EXOC4: variants seen among roughly 807,000 people sequenced by gnomAD.
EXOC4 encodes the protein SEC8-like 1.
EXOC4 carries 71 observed loss-of-function variants against 107.2 expected under a neutral mutation model. That is an observed-to-expected ratio of 0.66 (90% CI 0.55 to 0.81). The LOEUF (loss-of-function observed/expected upper bound fraction) is 0.81, where lower values mean the gene tolerates loss of function less well. Among genes scored for constraint, EXOC4 ranks in the 30% least tolerant of loss-of-function variants. EXOC4 has a pLI of 0.00. For synonymous variants in EXOC4, 456 were observed against 441.2 expected (o/e 1.03, Z -0.42); for missense variants, 1,108 against 1,189.6 (o/e 0.93, Z 1.01).
intron 9 of EXOC4, among the ~76,000 whole-genome samples, chr7:133,520,570 G>A (rs1292965805): frequency 6.6e-6 from 1 of 152,122 alleles, no homozygotes; most frequent in Non-Finnish European, 1.5e-5. Flanking sequence ...TATTTTAAAA[G>A]ATGAAATATA....
chr7:133,669,259 C>G (rs1040623603), intron 10 of EXOC4, among the ~76,000 whole-genome samples: 1 of 151,830 alleles, frequency 6.6e-6, no homozygotes, highest in Non-Finnish European at 1.5e-5. Flanking sequence ...GAGGAGGAGC[C>G]GCGGGATGTA....
At chr7:134,047,493 T>C (rs71535771) in intron 17 of EXOC4, among the ~76,000 whole-genome samples, 1 of 152,198 alleles carries the variant, frequency 6.6e-6, no homozygotes, top group Non-Finnish European at 1.5e-5. Flanking sequence ...TTTATCCTAT[T>C]GTATGTCATT....
the EXOC4 span, among the ~76,000 whole-genome samples, chr7:134,072,801 C>T: frequency 6.6e-6 from 1 of 152,118 alleles, no homozygotes; most frequent in Non-Finnish European, 1.5e-5. Context: ...ATATACATAA[C>T]AAATAATATC....
At chr7:133,739,250 G>GTT (rs1795512575) in intron 10 of EXOC4, among the ~76,000 whole-genome samples, 1 of 147,798 alleles carries the variant, frequency 6.8e-6, no homozygotes, top group Non-Finnish European at 1.5e-5. Context: ...GTGTGTGTGT[G>GTT]TGTGTGTGTG....
chr7:133,797,212 C>T (rs1239466146), intron 10 of EXOC4, among the ~76,000 whole-genome samples: 2 of 152,020 alleles, frequency 1.3e-5, no homozygotes, highest in Non-Finnish European at 2.9e-5. Context: ...AAGATGGGGC[C>T]CATTTATAAA....
chr7:134,067,660 C>CACAT (rs1796206141), downstream of EXOC4, among the ~76,000 whole-genome samples: 1 of 18,186 alleles, frequency 5.5e-5, no homozygotes, highest in African/African-American at 3.7e-4. Context: ...CACACACACA[C>CACAT]ACACACACAC....
intron 14 of EXOC4, among the ~76,000 whole-genome samples, chr7:133,952,001 C>T (rs564199525): frequency 6.6e-6 from 1 of 152,144 alleles, no homozygotes; most frequent in South Asian, 2.1e-4. Context: ...ACTAAAAATA[C>T]AAAAATTAGC....
At chr7:133,491,714 C>T (rs1251403596) in intron 9 of EXOC4, among the ~76,000 whole-genome samples, 1 of 152,132 alleles carries the variant, frequency 6.6e-6, no homozygotes, top group African/African-American at 2.4e-5. Flanking sequence ...CAAACAGTCA[C>T]AGTTTCAGTG....
At chr7:133,591,036 C>T (rs928478105) in intron 9 of EXOC4, among the ~76,000 whole-genome samples, 6 of 152,208 alleles carry the variant, frequency 3.9e-5, no homozygotes, top group Non-Finnish European at 8.8e-5. Context: ...CACCTGCTGA[C>T]CTGTGTGCTC....
intron 11 of EXOC4, among the ~76,000 whole-genome samples, chr7:133,833,500 A>G (rs939207969): frequency 6.6e-6 from 1 of 152,210 alleles, no homozygotes; most frequent in Non-Finnish European, 1.5e-5. Flanking sequence ...TTCTGGGAAG[A>G]GATGGCTTTG....
At chr7:133,379,945 T>C (rs1480661011) in intron 7 of EXOC4, among the ~76,000 whole-genome samples, 1 of 152,130 alleles carries the variant, frequency 6.6e-6, no homozygotes, top group Non-Finnish European at 1.5e-5. Flanking sequence ...AAATAGGTTT[T>C]TCTGGCATAT....
Position 133,777,982 on chromosome 7 carries a change from T to C in EXOC4, c.1515-39343T>C, listed in dbSNP as rs187599037. ...CTGCATCTCTGTGCTAATTAAAGCCTACATGTCTAGTAACATTCATTCTCC... is the reference window on the plus strand; with the variant it reads ...CTGCATCTCTGTGCTAATTAAAGCCCACATGTCTAGTAACATTCATTCTCC... On this transcript the variant is annotated intron_variant, in intron 10 of 17. Coordinates refer to ENST00000253861, the MANE Select transcript of EXOC4 (RefSeq NM_021807.4). Among the ~76,000 whole-genome samples, 445 of 152,330 alleles carry C rather than the reference T, an allele frequency of 2.9e-3. 3 individuals carry two copies. Among genetic ancestry groups the C allele is most frequent in the Admixed American group, 6.5e-3 (100 of 15,298 alleles).
chr7:133,846,422 C>T (rs184744661), intron 11 of EXOC4, among the ~76,000 whole-genome samples: 122 of 152,240 alleles, frequency 8.0e-4, no homozygotes, highest in Non-Finnish European at 1.2e-3. Flanking sequence ...TTGCATCCCA[C>T]GGTTGGTACT....
intron 4 of EXOC4, among the ~76,000 whole-genome samples, chr7:133,311,206 A>G (rs925904571): frequency 2.6e-5 from 4 of 152,166 alleles, no homozygotes; most frequent in South Asian, 2.1e-4. Context: ...ATACATGCGT[A>G]AGAATTGTTT....
chr7:133,971,910 C>A lies in EXOC4; in HGVS notation c.2207-25582C>A, dbSNP rs575615826. Among the ~76,000 whole-genome samples the A allele has an allele frequency of 2.6e-5, 4 of 152,330 alleles. No homozygotes were observed. The South Asian group carries it at 8.3e-4, about 32-fold the overall frequency. ...ATCTTAGATGACTTTACATCACTTT[C>A]AGAGCTACATGGGGCATCCCTCCTC... is the stretch of plus-strand genomic sequence containing the variant. On this transcript the variant is annotated intron_variant, in intron 14 of 17. Transcript: ENST00000253861.
intron 9 of EXOC4, among the ~76,000 whole-genome samples, chr7:133,484,859 C>G (rs974858662): frequency 2.0e-5 from 3 of 151,746 alleles, no homozygotes; most frequent in Non-Finnish European, 4.4e-5. Context: ...GTGCACAGAT[C>G]ACTTGAGGTC....
intron 10 of EXOC4, among the ~76,000 whole-genome samples, chr7:133,778,625 TCAGAAGGTTGTGAC>T (rs1796396750): frequency 6.6e-6 from 1 of 152,142 alleles, no homozygotes; most frequent in Non-Finnish European, 1.5e-5. Context: ...TGCAGATAGG[TCAGAAGGTTGTGAC>T]CACTGACTGT....
chr7:133,560,468 A>G (rs1187698547), intron 9 of EXOC4, among the ~76,000 whole-genome samples: 1 of 152,066 alleles, frequency 6.6e-6, no homozygotes, highest in African/African-American at 2.4e-5. Context: ...TATTTTTAGT[A>G]GAGATGGGGT....
chr7:134,072,370 G>T, the EXOC4 span, among the ~76,000 whole-genome samples: 330 of 152,326 alleles, frequency 2.2e-3, no homozygotes, highest in Non-Finnish European at 3.4e-3. Context: ...CCTGGGTGGG[G>T]TTTTGCTGCT....
Sources: gnomAD v4.1 joint callset for allele counts (sites outside exome capture counted in the v4.1 genomes callset) on GRCh38, gnomAD v4.1.1 for gene constraint, MANE v1.5 for transcripts, NCBI Gene and HGNC (gene_info 2026-07-23, HGNC 2026-07-21) for gene names.